Variants in FGF12 observed in about 807,000 individuals in gnomAD.
FGF12 encodes fibroblast growth factor 12.
In FGF12, 14 loss-of-function variants were observed where a neutral mutation model predicts 23.6. The ratio of observed to expected loss-of-function variants is 0.59; its 90% CI spans 0.39 to 0.93. The LOEUF (loss-of-function observed/expected upper bound fraction) is 0.93. Ranked by LOEUF, FGF12 falls within the 40% of genes least tolerant of loss-of-function variation. The probability of loss-of-function intolerance (pLI) is 0.00; values close to 1 mark genes in which losing one functional copy is unlikely to be tolerated. For synonymous variants in FGF12, 62 were observed against 77.3 expected (o/e 0.80, Z 1.04); for missense variants, 175 against 217.8 (o/e 0.80, Z 1.24).
At chr3:192,290,118 T>C (rs1484470353) in intron 4 of FGF12, among the ~76,000 whole-genome samples, 1 of 152,086 alleles carries the variant, frequency 6.6e-6, no homozygotes, top group East Asian at 1.9e-4. Context: ...AGTTTTGAGA[T>C]CAATTGCACA....
At chr3:192,282,941 T>A (rs1355218343) in intron 4 of FGF12, 1 of 152,034 alleles carries the variant, frequency 6.6e-6, no homozygotes, top group African/African-American at 2.4e-5. Flanking sequence ...GATATACACA[T>A]AAACAGATAA....
intron 2 of FGF12, among the ~76,000 whole-genome samples, chr3:192,428,111 G>A (rs575675075): frequency 6.6e-6 from 1 of 152,190 alleles, no homozygotes; most frequent in African/African-American, 2.4e-5. Flanking sequence ...ACTTTCTTGT[G>A]GTCTCCTAAC....
intron 5 of FGF12, among the ~76,000 whole-genome samples, chr3:192,162,731 A>C (rs1714951068): frequency 6.6e-6 from 1 of 152,170 alleles, no homozygotes; most frequent in Non-Finnish European, 1.5e-5. Context: ...TATTGAAATA[A>C]AAATATCAAA....
At chr3:192,346,582 C>A (rs1242562579) in intron 3 of FGF12, among the ~76,000 whole-genome samples, 2 of 152,092 alleles carry the variant, frequency 1.3e-5, no homozygotes, top group Non-Finnish European at 2.9e-5. Context: ...AGCTAGAAGG[C>A]AGGAATTGTA....
intron 2 of FGF12, among the ~76,000 whole-genome samples, chr3:192,582,824 C>A (rs1010447036): frequency 3.9e-5 from 6 of 152,134 alleles, no homozygotes; most frequent in African/African-American, 7.2e-5. Flanking sequence ...TTTGACCCTA[C>A]CACACCTGAG....
intron 2 of FGF12, among the ~76,000 whole-genome samples, chr3:192,638,372 T>C (rs1391429408): frequency 2.0e-5 from 3 of 152,236 alleles, no homozygotes; most frequent in South Asian, 2.1e-4. Flanking sequence ...TGATTCTTTT[T>C]ATAGCAATGA....
intron 2 of FGF12, among the ~76,000 whole-genome samples, chr3:192,714,647 T>G (rs1173559075): frequency 2.0e-5 from 3 of 149,762 alleles, no homozygotes; most frequent in African/African-American, 7.4e-5. Flanking sequence ...GCCTCCCGAG[T>G]AGCTGGGACT....
intron 2 of FGF12, among the ~76,000 whole-genome samples, chr3:192,688,256 C>T (rs1325909122): frequency 6.6e-6 from 1 of 152,050 alleles, no homozygotes; most frequent in Non-Finnish European, 1.5e-5. Context: ...ACACCACATC[C>T]ACCCCTTGAC....
chr3:192,162,488 A>T (rs1390234047), intron 5 of FGF12, among the ~76,000 whole-genome samples: 1 of 152,124 alleles, frequency 6.6e-6, no homozygotes, highest in Non-Finnish European at 1.5e-5. Context: ...ATTAAAGACT[A>T]CATTCAGAAA....
chr3:192,716,136 G>A (rs1718858089), intron 2 of FGF12, among the ~76,000 whole-genome samples: 1 of 152,148 alleles, frequency 6.6e-6, no homozygotes, highest in Admixed American at 6.5e-5. Flanking sequence ...ACACCTTCTG[G>A]GAACTTGTAG....
chr3:192,223,992 G>A (rs1016761283), intron 4 of FGF12, among the ~76,000 whole-genome samples: 5 of 152,064 alleles, frequency 3.3e-5, no homozygotes, highest in African/African-American at 4.8e-5. Flanking sequence ...GCAAGCCTCA[G>A]CAGCTTTGTT....
chr3:192,304,120 G>A (rs1388002109), intron 4 of FGF12, among the ~76,000 whole-genome samples: 1 of 152,160 alleles, frequency 6.6e-6, no homozygotes, highest in African/African-American at 2.4e-5. Flanking sequence ...GCGAGAACTT[G>A]AGGTGTTGCT....
rs28723571 is a variant in FGF12, at chr3:192,258,448, C to A, written c.228+76913G>T. Among the ~76,000 whole-genome samples, 1,261 of 152,056 alleles carry A rather than the reference C, an allele frequency of 8.3e-3. 15 individuals are homozygous for A. The highest frequency in any genetic ancestry group is 0.029 in the African/African-American group (1,216 of 41,488). On this transcript the variant is annotated intron_variant, in intron 4 of 5. Transcript: ENST00000445105. ...ATTCCAGCTGGGTGACAGAGTGAGA[C>A]CCTTTCTCAAAAAATAAATAAATAC...
At chr3:192,216,791 G>A (rs541824163) in intron 4 of FGF12, among the ~76,000 whole-genome samples, 1 of 152,160 alleles carries the variant, frequency 6.6e-6, no homozygotes, top group Non-Finnish European at 1.5e-5. Flanking sequence ...CCAGAGAAAT[G>A]CAATATCTGT....
chr3:192,176,578 G>T (rs1162117487), intron 4 of FGF12, among the ~76,000 whole-genome samples: 2 of 152,222 alleles, frequency 1.3e-5, no homozygotes, highest in African/African-American at 4.8e-5. Context: ...TTACCTGTAT[G>T]AACTTGGACA....
At chr3:192,580,450 G>A (rs989593772) in intron 2 of FGF12, among the ~76,000 whole-genome samples, 2 of 152,088 alleles carry the variant, frequency 1.3e-5, no homozygotes, top group Non-Finnish European at 2.9e-5. Flanking sequence ...GAACTGTGGA[G>A]CAGCTTGCTA....
chr3:192,524,324 C>A (rs891189228), intron 2 of FGF12, among the ~76,000 whole-genome samples: 4 of 152,186 alleles, frequency 2.6e-5, no homozygotes, highest in African/African-American at 9.6e-5. Context: ...AGAAGGCAGC[C>A]ATTCATTTAA....
chr3:192,608,197 A>C (rs569728496), intron 2 of FGF12, among the ~76,000 whole-genome samples: 8 of 152,276 alleles, frequency 5.3e-5, no homozygotes, highest in African/African-American at 1.9e-4. Flanking sequence ...GGTACAAAAA[A>C]TATAATTAGA....
At chr3:192,376,351 TA>T (rs1323950000) in intron 2 of FGF12, among the ~76,000 whole-genome samples, 1 of 151,196 alleles carries the variant, frequency 6.6e-6, no homozygotes, top group Non-Finnish European at 1.5e-5. Flanking sequence ...TTTATTTATT[TA>T]TTTATTTATT....
Sources: gnomAD v4.1 joint callset for allele counts (sites outside exome capture counted in the v4.1 genomes callset) on GRCh38, gnomAD v4.1.1 for gene constraint, MANE v1.5 for transcripts, NCBI Gene and HGNC (gene_info 2026-07-23, HGNC 2026-07-21) for gene names.